The following CANX variants were observed in gnomAD, a reference collection of about 807,000 sequenced individuals.
CANX encodes epididymis secretory sperm binding protein.
A neutral mutation model predicts 75.7 loss-of-function variants in CANX; 14 were observed. The observed-to-expected ratio is 0.19, with a 90% CI of 0.12 to 0.29. The LOEUF (loss-of-function observed/expected upper bound fraction) is 0.29. Ranked by LOEUF, CANX falls within the 10% of genes least tolerant of loss-of-function variation. CANX has a pLI of 1.00. For missense variants in CANX, 567 were observed against 713.2 expected (o/e 0.79, Z 2.34); for synonymous variants, 227 against 236.9 (o/e 0.96, Z 0.38).
Position 179,724,782 on chromosome 5 carries a change from T to G in CANX, c.1644T>G (p.Leu548=), listed in dbSNP as rs763115954. The change falls in exon 13 of 15, where the codon CTT becomes CTG. Residue 548 remains leucine (L), a splice_region_variant and synonymous_variant. Transcript: ENST00000247461. ...AGGAGGAGGAAGGAGAAGAGAAACT[T>G]GGTAAGAAACAGAGTCCAGAAAATC... ...GDEEEEGEEK[L]EEKQKSDAEE... The G allele has an allele frequency of 3.1e-6, 5 of 1,604,388 alleles. No individual in the cohort carries two copies. Among genetic ancestry groups the G allele is most frequent in the African/African-American group, 1.3e-5 (1 of 74,368 alleles).
At chr5:179,684,636 G>C (rs11249657) in intron 1 of CANX, among the ~76,000 whole-genome samples, 53,229 of 151,740 alleles carry the variant, frequency 0.35, 9,655 homozygotes, top group South Asian at 0.53. Context: ...CACCGTGCCC[G>C]GCCAAGCCTT....
chr5:179,720,836 G>T (rs1416238960), intron 10 of CANX, among the ~76,000 whole-genome samples: 2 of 151,426 alleles, frequency 1.3e-5, no homozygotes, highest in Non-Finnish European at 2.9e-5. Context: ...CAGGCTGGAG[G>T]GCAGTGGTGT....
chr5:179,688,509 G>T (rs1581819003), intron 1 of CANX, among the ~76,000 whole-genome samples: 1 of 150,780 alleles, frequency 6.6e-6, no homozygotes, highest in Non-Finnish European at 1.5e-5. Context: ...GAATATAGGT[G>T]CCCACCACCA....
chr5:179,716,193 A>G lies in CANX; in HGVS notation c.810A>G (p.Val270=). ...TGCTCAATGACATGACTCCTCCTGT[A>G]AATCCTTCACGTGAAATTGAGGACC... The part of the protein sequence containing the change: ...GNLLNDMTPP[V]NPSREIEDPE... The change falls in exon 8 of 15, where the codon GTA becomes GTG. Residue 270 remains valine, a synonymous_variant. Coordinates refer to ENST00000247461, the MANE Select transcript of CANX (RefSeq NM_001746.4). 6.2e-7 allele frequency: 1 copy of G among 1,613,646 alleles called. No homozygotes were observed. Among genetic ancestry groups the G allele is most frequent in the Non-Finnish European group, 8.5e-7 (1 of 1,179,472 alleles).
Position 179,730,668 on chromosome 5 carries a change from G to A in CANX, c.*2024G>A, listed in dbSNP as rs1778938684. 1 of 152,124 alleles carries A rather than the reference G, an allele frequency of 6.6e-6. No homozygotes were observed. Among genetic ancestry groups the A allele is most frequent in the African/African-American group, 2.4e-5 (1 of 41,416 alleles). 9.4% of individuals were successfully genotyped at this position (152,124 alleles called of 1,614,324 possible). A position where few individuals can be genotyped will look rare whatever the true frequency, so the allele number is the denominator to read the frequency against. ...GTTGAAAACAAAAACGCCTTTTCTT[G>A]GTTCTTTTTTCAGTTATTTTGAAGG... On this transcript the variant is annotated 3_prime_UTR_variant, in exon 15 of 15. Transcript: ENST00000247461.
intron 1 of CANX, among the ~76,000 whole-genome samples, chr5:179,680,413 G>A (rs887824967): frequency 1.3e-5 from 2 of 152,118 alleles, no homozygotes. Flanking sequence ...GCCAGACTCT[G>A]GTCTTGGGAA....
At chr5:179,713,155 C>T (rs1777695339) in intron 7 of CANX, among the ~76,000 whole-genome samples, 1 of 151,896 alleles carries the variant, frequency 6.6e-6, no homozygotes, top group African/African-American at 2.4e-5. Flanking sequence ...CATCTTGGCT[C>T]ACTGCAGCCT....
intron 12 of CANX, among the ~76,000 whole-genome samples, chr5:179,724,326 A>G (rs1275980838): frequency 6.6e-6 from 1 of 152,068 alleles, no homozygotes; most frequent in Non-Finnish European, 1.5e-5. Context: ...TCTGGCATTC[A>G]TAGCACTTTG....
chr5:179,713,727 G>A (rs188586880), intron 7 of CANX, among the ~76,000 whole-genome samples: 4 of 150,384 alleles, frequency 2.7e-5, no homozygotes, highest in African/African-American at 4.8e-5. Flanking sequence ...AGACCAGCCC[G>A]GGCAGCATAG....
chr5:179,700,864 CCTTTTTTTTTTTTTTTTAGACGGAGT>C (rs1581837022), intron 1 of CANX: 1 of 146,586 alleles, frequency 6.8e-6, no homozygotes, highest in African/African-American at 2.5e-5. Context: ...AGTGTGGTAA[CCTTTTTTTTTTTTTTTTAGACGGAGT>C]CTCGCTCTGT....
chr5:179,700,115 C>T (rs1281858602), intron 1 of CANX: 1 of 152,156 alleles, frequency 6.6e-6, no homozygotes, highest in Non-Finnish European at 1.5e-5. Flanking sequence ...TGAACTGGTT[C>T]AGTCCTGTTT....
In CANX at chr5:179,731,161, T is replaced by C. The variant is rs927074140; in HGVS notation, c.*2517T>C. Among the ~76,000 whole-genome samples the C allele has an allele frequency of 1.3e-5, 2 of 152,188 alleles. No homozygotes were observed. The highest frequency in any genetic ancestry group is 4.8e-5 in the African/African-American group (2 of 41,434). On this transcript the variant is annotated 3_prime_UTR_variant, in exon 15 of 15. Transcript: ENST00000247461. ...TTGCGGTGCAGTAGTTTCTGTTGTA[T>C]AATAGTGTGGACAGCAGCTCAGAAA...
intron 7 of CANX, among the ~76,000 whole-genome samples, chr5:179,712,585 A>ATT (rs755031455): frequency 6.8e-5 from 9 of 133,322 alleles, no homozygotes; most frequent in Admixed American, 1.5e-4. Context: ...CGCCTGGCTA[A>ATT]TTTTTTTTTT....
At chr5:179,707,699 A>C (rs556467632) in intron 4 of CANX, among the ~76,000 whole-genome samples, 3 of 126,130 alleles carry the variant, frequency 2.4e-5, no homozygotes, top group Non-Finnish European at 4.8e-5. Flanking sequence ...GTGTAGCCTT[A>C]TATTTAATAG....
chr5:179,727,522 G>A (rs1466385210), intron 14 of CANX, among the ~76,000 whole-genome samples: 2 of 152,168 alleles, frequency 1.3e-5, no homozygotes, highest in African/African-American at 4.8e-5. Context: ...TGTCTACAAG[G>A]CCAGTATGGT....
At chr5:179,695,113 G>T (rs1275305459), upstream of CANX, among the ~76,000 whole-genome samples, 1 of 148,296 alleles carries the variant, frequency 6.7e-6, no homozygotes, top group Non-Finnish European at 1.5e-5. Context: ...GCAGTGGCGC[G>T]ATCTCAGCTC....
intron 12 of CANX, among the ~76,000 whole-genome samples, 165 bp downstream of exon 12, chr5:179,723,944 G>A (rs187288091): frequency 6.2e-4 from 95 of 152,194 alleles, no homozygotes; most frequent in African/African-American, 2.2e-3. Flanking sequence ...CTCAGTGGCC[G>A]TTTATTGTGC....
At position 179,699,036 on chromosome 5, in the gene CANX, C is replaced by T. The variant is rs1562453053; in HGVS notation, c.-70C>T. On this transcript the variant is annotated 5_prime_UTR_variant, in exon 1 of 15. Transcript: ENST00000247461. ...GCCGCCTCCGCCTCTCTCTTTACTG[C>T]GGCGCGGGGCAAGGTGTGCGGGCGG... 1 of 1,112,370 alleles carries T rather than the reference C, an allele frequency of 9.0e-7. No homozygotes were observed. The allele number at this position is 1,112,370 out of a possible 1,614,324, so 68.9% of individuals were successfully genotyped here. A position where few individuals can be genotyped will look rare whatever the true frequency, so the allele number is the denominator to read the frequency against.
In CANX at chr5:179,723,792, T is replaced by A. The variant is rs1299912789; in HGVS notation, c.1518+13T>A. The A allele has an allele frequency of 2.5e-6, 4 of 1,586,988 alleles. No homozygotes were observed. The highest frequency in any genetic ancestry group is 3.9e-5 in the Admixed American group (2 of 51,852). On this transcript the variant is annotated intron_variant, in intron 12 of 14. Transcript: ENST00000247461. The stretch of plus-strand genomic sequence containing the variant: ...CTGTTCTGGAAAGGTAGGAAGTTTT[T>A]TTTTTTAGAATCAATTTTAGAGACA...
Sources: allele counts gnomAD v4.1 joint callset (sites outside exome capture counted in the v4.1 genomes callset), GRCh38; gene constraint gnomAD v4.1.1; transcripts MANE v1.5; gene names NCBI Gene and HGNC (gene_info 2026-07-23, HGNC 2026-07-21).